Variants in ART3 observed in about 807,000 individuals in gnomAD.
ART3 encodes ADP-ribosyltransferase 3 (inactive).
A neutral mutation model predicts 48.5 loss-of-function variants in ART3; 49 were observed. That is an observed-to-expected ratio of 1.01 (90% CI 0.80 to 1.28). ART3 has a LOEUF of 1.28. ART3 is among the 50% of genes most tolerant of loss of function. ART3 has a pLI of 0.00. For missense variants in ART3, 438 were observed against 454.3 expected, an observed-to-expected ratio of 0.96 and a Z score of 0.33; for synonymous variants, 145 against 157.2, an observed-to-expected ratio of 0.92 and a Z score of 0.58.
chr4:76,040,525 C>T (rs1734872506), intron 1 of ART3, among the ~76,000 whole-genome samples: 2 of 85,706 alleles, frequency 2.3e-5, no homozygotes, highest in South Asian at 3.8e-4. Flanking sequence ...GGTTCTCCCC[C>T]CCGCCCCCTC....
intron 3 of ART3, among the ~76,000 whole-genome samples, chr4:76,094,255 C>G (rs892563378): frequency 6.6e-6 from 1 of 152,170 alleles, no homozygotes; most frequent in Non-Finnish European, 1.5e-5. Context: ...AAGACAACAC[C>G]TTTAACTATT....
At chr4:76,080,422 A>G (rs1722201064) in intron 2 of ART3, among the ~76,000 whole-genome samples, 1 of 152,222 alleles carries the variant, frequency 6.6e-6, no homozygotes, top group Admixed American at 6.5e-5. Context: ...CATGGGGCAG[A>G]GGGCTTTGCA....
chr4:76,071,529 T>C (rs922272966), upstream of ART3, among the ~76,000 whole-genome samples: 2 of 152,194 alleles, frequency 1.3e-5, no homozygotes, highest in African/African-American at 4.8e-5. Context: ...TTTTCATTCT[T>C]TCTTAGGCCA....
intron 1 of ART3, among the ~76,000 whole-genome samples, chr4:76,014,291 T>C (rs1461686197): frequency 6.6e-6 from 1 of 151,720 alleles, no homozygotes; most frequent in Non-Finnish European, 1.5e-5. Context: ...AAGGAAATCA[T>C]GTACAAAAAA....
At chr4:76,094,285 A>G (rs1281539408) in intron 3 of ART3, among the ~76,000 whole-genome samples, 1 of 152,218 alleles carries the variant, frequency 6.6e-6, no homozygotes, top group East Asian at 1.9e-4. Context: ...CATGGAATAC[A>G]GTTGTAATGA....
At chr4:76,047,083 G>T (rs1319537369) in intron 1 of ART3, among the ~76,000 whole-genome samples, 3 of 152,112 alleles carry the variant, frequency 2.0e-5, no homozygotes, top group Admixed American at 2.0e-4. Context: ...ATCCTCTGGG[G>T]CAGTGCACCT....
At chr4:76,100,194 A>G (rs2149672855) in intron 5 of ART3, 97 bp from the exon 6 acceptor site, 1 of 1,234,412 alleles carries the variant, frequency 8.1e-7, no homozygotes, top group East Asian at 2.5e-5. Flanking sequence ...GGTTCTTTAT[A>G]GTCATATTTC....
chr4:76,077,507 TA>T (rs1254049960), intron 2 of ART3, among the ~76,000 whole-genome samples: 1 of 152,244 alleles, frequency 6.6e-6, no homozygotes, highest in African/African-American at 2.4e-5. Flanking sequence ...ACATGTGTTT[TA>T]TTTTTCTTTT....
intron 1 of ART3, among the ~76,000 whole-genome samples, chr4:76,014,361 A>T (rs1399732626): frequency 6.6e-6 from 1 of 152,240 alleles, no homozygotes; most frequent in Non-Finnish European, 1.5e-5. Context: ...ATAAAAAAGG[A>T]AACAAATAGA....
intron 1 of ART3, among the ~76,000 whole-genome samples, chr4:76,035,632 G>T (rs954197129): frequency 2.0e-5 from 3 of 152,180 alleles, no homozygotes; most frequent in African/African-American, 7.2e-5. Flanking sequence ...CAGGAAGCTT[G>T]TTAACATGAT....
intron 2 of ART3, among the ~76,000 whole-genome samples, chr4:76,081,237 T>C (rs1405335714): frequency 6.6e-6 from 1 of 152,178 alleles, no homozygotes; most frequent in African/African-American, 2.4e-5. Context: ...GCCAATATTA[T>C]CCTTAGAGCT....
chr4:76,059,819 A>T (rs1166773118), intron 1 of ART3, among the ~76,000 whole-genome samples: 1 of 152,252 alleles, frequency 6.6e-6, no homozygotes, highest in East Asian at 1.9e-4. Flanking sequence ...AGAACTATCA[A>T]GTTTGTACAT....
intron 1 of ART3, among the ~76,000 whole-genome samples, chr4:76,048,076 T>G (rs1735682991): frequency 6.6e-6 from 1 of 151,898 alleles, no homozygotes. Context: ...TTTGCTTATT[T>G]CCTTCTGGGC....
chr4:76,069,674 G>A (rs1173579206), intron 1 of ART3, among the ~76,000 whole-genome samples: 3 of 152,056 alleles, frequency 2.0e-5, no homozygotes, highest in East Asian at 3.9e-4. Context: ...ACAGGCATGA[G>A]CCACTGCATC....
intron 1 of ART3, among the ~76,000 whole-genome samples, chr4:76,043,661 G>A (rs1035761757): frequency 4.0e-5 from 6 of 151,896 alleles, no homozygotes; most frequent in Non-Finnish European, 8.8e-5. Flanking sequence ...TCCCACTGGC[G>A]CCTGTCCCTC....
intron 1 of ART3, among the ~76,000 whole-genome samples, chr4:76,057,352 A>G (rs1283184937): frequency 6.6e-6 from 1 of 152,188 alleles, no homozygotes; most frequent in Admixed American, 6.5e-5. Flanking sequence ...AGTTTAGTTA[A>G]CAATATTCCA....
intron 1 of ART3, among the ~76,000 whole-genome samples, chr4:76,030,858 T>G (rs972364614): frequency 6.6e-5 from 10 of 152,214 alleles, no homozygotes; most frequent in African/African-American, 2.4e-4. Context: ...TATACCACAT[T>G]TTATCCATTC....
chr4:76,108,876 T>C (rs1728962312), intron 11 of ART3, among the ~76,000 whole-genome samples: 1 of 152,132 alleles, frequency 6.6e-6, no homozygotes, highest in South Asian at 2.1e-4. Context: ...TATTTGTGTA[T>C]CTAAACATAG....
intron 1 of ART3, among the ~76,000 whole-genome samples, chr4:76,024,098 A>G (rs1374660869): frequency 1.3e-5 from 2 of 152,214 alleles, no homozygotes; most frequent in East Asian, 1.9e-4. Flanking sequence ...AGCCTCCAAC[A>G]TAACTATTTT....
Sources: allele counts gnomAD v4.1 joint callset (sites outside exome capture counted in the v4.1 genomes callset), GRCh38; gene constraint gnomAD v4.1.1; transcripts MANE v1.5; gene names NCBI Gene and HGNC (gene_info 2026-07-23, HGNC 2026-07-21).